The following RGPD8 variants were observed in gnomAD, a reference collection of about 807,000 sequenced individuals.
The protein encoded by RGPD8 is RANBP2-like and GRIP domain-containing protein 8.
A neutral mutation model predicts 89.1 loss-of-function variants in RGPD8; 15 were observed. The observed-to-expected ratio is 0.17, with a 90% CI of 0.11 to 0.26. The LOEUF (loss-of-function observed/expected upper bound fraction) is 0.26, where lower values mean the gene tolerates loss of function less well. RGPD8 is among the 10% of genes least tolerant of loss of function. The pLI is 1.00. For missense variants in RGPD8, 178 were observed against 1,179.6 expected, an observed-to-expected ratio of 0.15 and a Z score of 12.44; for synonymous variants, 62 against 420.9, an observed-to-expected ratio of 0.15 and a Z score of 10.44.
chr2:112,433,634 T>C lies in RGPD8; in HGVS notation c.-181A>G, dbSNP rs1354381148. The stretch of plus-strand genomic sequence containing the variant: ...CACTGTGACGAACCTGCGTTCTGCC[T>C]CAGCACTGTGTATCCTCGGGGACGT... On this transcript the variant is annotated 5_prime_UTR_variant, in exon 1 of 23. Coordinates refer to ENST00000302558, the MANE Select transcript of RGPD8 (RefSeq NM_001164463.1). The C allele has an allele frequency of 1.3e-6, 1 of 744,252 alleles. No individual in the cohort carries two copies. Among genetic ancestry groups the C allele is most frequent in the Non-Finnish European group, 2.1e-6 (1 of 470,188 alleles). The allele number at this position is 744,252 out of a possible 1,614,324, so 46.1% of individuals were successfully genotyped here. A position where few individuals can be genotyped will look rare whatever the true frequency, so the allele number is the denominator to read the frequency against.
At chr2:112,379,501 A>G (rs1378976605) in intron 21 of RGPD8, among the ~76,000 whole-genome samples, 4 of 150,250 alleles carry the variant, frequency 2.7e-5, no homozygotes, top group African/African-American at 9.8e-5. Context: ...AGGCTGAGGC[A>G]GGGGAATCGC....
At chr2:112,416,088 CAAAA>C (rs1168507298) in intron 6 of RGPD8, among the ~76,000 whole-genome samples, 4,423 of 87,376 alleles carry the variant, frequency 0.051, no homozygotes, top group Middle Eastern at 0.08. Flanking sequence ...GACTCCATCT[CAAAA>C]AAAAAAAAAA....
intron 8 of RGPD8, among the ~76,000 whole-genome samples, chr2:112,405,193 AACTG>A (rs1400103528): frequency 2.1e-5 from 3 of 143,530 alleles, no homozygotes; most frequent in African/African-American, 7.7e-5. Context: ...AATCTTCTAA[AACTG>A]ACTGTGGTGA....
intron 7 of RGPD8, among the ~76,000 whole-genome samples, chr2:112,411,032 C>T (rs1241323031): frequency 1.3e-5 from 2 of 151,972 alleles, no homozygotes; most frequent in Non-Finnish European, 2.9e-5. Flanking sequence ...TTGCAGTGAG[C>T]CAGATGGCGC....
chr2:112,402,586 A>G (rs1223635216), intron 9 of RGPD8, among the ~76,000 whole-genome samples: 2 of 148,344 alleles, frequency 1.3e-5, no homozygotes, highest in African/African-American at 5.1e-5. Context: ...CATTTTGGCA[A>G]TTTGCAAGAC....
intron 21 of RGPD8, among the ~76,000 whole-genome samples, chr2:112,379,399 G>T (rs2699603): frequency 6.6e-6 from 1 of 150,660 alleles, no homozygotes; most frequent in Non-Finnish European, 1.5e-5. Flanking sequence ...GATTCAGACT[G>T]TCCTGGCCAA....
chr2:112,432,790 G>A (rs1457849716), intron 1 of RGPD8, among the ~76,000 whole-genome samples: 1 of 152,138 alleles, frequency 6.6e-6, no homozygotes, highest in Non-Finnish European at 1.5e-5. Context: ...AAGAGGAAGA[G>A]CCGGCGCCAA....
chr2:112,404,867 GA>G (rs1227179322), intron 8 of RGPD8, among the ~76,000 whole-genome samples: 1,378 of 77,586 alleles, frequency 0.018, no homozygotes, highest in African/African-American at 0.055. Context: ...ACTGTCTCAG[GA>G]AAAAAAAAAA....
intron 1 of RGPD8, among the ~76,000 whole-genome samples, chr2:112,428,458 CA>C (rs1390476518): frequency 6.7e-6 from 1 of 149,554 alleles, no homozygotes; most frequent in Non-Finnish European, 1.5e-5. Flanking sequence ...CAAAAACAAA[CA>C]AAAAAACCTC....
At chr2:112,430,614 A>T (rs1226793501) in intron 1 of RGPD8, among the ~76,000 whole-genome samples, 1 of 150,726 alleles carries the variant, frequency 6.6e-6, no homozygotes, top group Non-Finnish European at 1.5e-5. Flanking sequence ...CAAGGTCCCC[A>T]CTAAGAATCT....
intron 22 of RGPD8, among the ~76,000 whole-genome samples, chr2:112,376,481 C>T: frequency 8.8e-6 from 1 of 113,398 alleles, no homozygotes; most frequent in South Asian, 3.4e-4. Flanking sequence ...ATAAGTGGCA[C>T]ATTAAAAATA....
Position 112,371,011 on chromosome 2 carries a change from T to A in RGPD8, c.5264-799A>T, listed in dbSNP as rs1208651156. 6.6e-3 allele frequency among the ~76,000 whole-genome samples: 993 copies of A among 150,718 alleles called. 8 individuals are homozygous for A. The highest frequency in any genetic ancestry group is 0.013 in the Admixed American group (193 of 15,024). The stretch of plus-strand genomic sequence containing the variant: ...CTTTCTCTATTAAACAATTCCAAAA[T>A]AAAATTTCCAGCACAACTAAATATT... On this transcript the variant is annotated intron_variant, in intron 22 of 22. Coordinates refer to ENST00000302558, the MANE Select transcript of RGPD8 (RefSeq NM_001164463.1).
intron 6 of RGPD8, among the ~76,000 whole-genome samples, chr2:112,413,240 C>A (rs1679256513): frequency 7.2e-6 from 1 of 138,918 alleles, no homozygotes; most frequent in Admixed American, 7.0e-5. Context: ...CCCGACTCAG[C>A]CTCCTGAGTA....
At chr2:112,425,807 G>A (rs1342930031) in intron 1 of RGPD8, among the ~76,000 whole-genome samples, 1 of 150,090 alleles carries the variant, frequency 6.7e-6, no homozygotes, top group East Asian at 1.9e-4. Flanking sequence ...TTCCATCCAT[G>A]TGATAGAGTA....
chr2:112,414,942 C>T (rs1679325039), intron 6 of RGPD8, among the ~76,000 whole-genome samples: 1 of 124,896 alleles, frequency 8.0e-6, no homozygotes, highest in African/African-American at 3.3e-5. Flanking sequence ...ATGGCATGAA[C>T]CCTGGAGACA....
chr2:112,419,665 G>A (rs1373874933), intron 4 of RGPD8, among the ~76,000 whole-genome samples: 1 of 150,220 alleles, frequency 6.7e-6, no homozygotes, highest in Non-Finnish European at 1.5e-5. Context: ...TTTAAAGAGT[G>A]CTTCAAAGTA....
chr2:112,411,380 A>C (rs1679194077), intron 7 of RGPD8, among the ~76,000 whole-genome samples: 1 of 145,766 alleles, frequency 6.9e-6, no homozygotes, highest in Non-Finnish European at 1.5e-5. Flanking sequence ...CATCCTGGCT[A>C]CCACGGTGAA....
chr2:112,428,611 G>GC lies in RGPD8; in HGVS notation c.73-4305_73-4304insG, dbSNP rs1282220643. ...ATTCTCAAACTGGTGATAAAGGGAAGTCCCAAGAGCACAGCTGTGTAGCAA... is the reference window on the plus strand; with the variant it reads ...ATTCTCAAACTGGTGATAAAGGGAAGCTCCCAAGAGCACAGCTGTGTAGCAA... On this transcript the variant is annotated intron_variant, in intron 1 of 22. Coordinates refer to ENST00000302558, the MANE Select transcript of RGPD8 (RefSeq NM_001164463.1). 2.0e-5 allele frequency among the ~76,000 whole-genome samples: 3 copies of GC among 150,818 alleles called. No homozygotes were observed. The East Asian group carries it at 5.8e-4, about 29-fold the overall frequency.
chr2:112,429,071 G>A (rs992232459), intron 1 of RGPD8, among the ~76,000 whole-genome samples: 12 of 149,650 alleles, frequency 8.0e-5, no homozygotes, highest in Non-Finnish European at 1.5e-5. Context: ...AAAGAATGAG[G>A]GGCAAACCAA....
Sources: gnomAD v4.1 joint callset for allele counts (sites outside exome capture counted in the v4.1 genomes callset) on GRCh38, gnomAD v4.1.1 for gene constraint, MANE v1.5 for transcripts, NCBI Gene and HGNC (gene_info 2026-07-23, HGNC 2026-07-21) for gene names.